The following GRIK1 variants were observed in gnomAD, a reference collection of about 807,000 sequenced individuals.
GRIK1 encodes the protein glutamate receptor ionotropic, kainate 1.
GRIK1 carries 69 observed loss-of-function variants against 105.7 expected under a neutral mutation model. The ratio of observed to expected loss-of-function variants is 0.65; its 90% CI spans 0.54 to 0.80. GRIK1 has a LOEUF of 0.80. GRIK1 is among the 30% of genes least tolerant of loss of function. GRIK1 has a pLI of 0.00. For synonymous variants in GRIK1, 438 were observed against 431.3 expected, an observed-to-expected ratio of 1.02 and a Z score of -0.19; for missense variants, 1,109 against 1,167.3, an observed-to-expected ratio of 0.95 and a Z score of 0.73.
rs138230122 is a variant in GRIK1, at chr21:29,552,673, A to G, written c.2607+2379T>C. Among the ~76,000 whole-genome samples, 111 of 152,138 alleles carry G rather than the reference A, an allele frequency of 7.3e-4. 1 individual carries two copies. Among genetic ancestry groups the G allele is most frequent in the African/African-American group, 2.6e-3 (107 of 41,562 alleles). On this transcript the variant is annotated intron_variant, in intron 16 of 17. Transcript: ENST00000327783. ...ACATCTCGTAGAAAGATGTTCATCA[A>G]TGCAAAGTGAGTGGTAAATAGAAAT...
At chr21:29,636,414 G>A (rs1180344318) in intron 7 of GRIK1, among the ~76,000 whole-genome samples, 1 of 152,180 alleles carries the variant, frequency 6.6e-6, no homozygotes, top group Non-Finnish European at 1.5e-5. Context: ...AATTGGCTTT[G>A]CTGTTTCAGT....
Position 29,901,764 on chromosome 21 carries a change from A to G in GRIK1, c.118+37619T>C, listed in dbSNP as rs190221505. ...CTTCTGAAACTATTCCAATCAATAG[A>G]AAAAAGAGGGAATCCTCCCAAACTC... is the stretch of plus-strand genomic sequence containing the variant. On this transcript the variant is annotated intron_variant, in intron 1 of 17. Coordinates refer to ENST00000327783, the MANE Select transcript of GRIK1 (RefSeq NM_001330994.2). Among the ~76,000 whole-genome samples, 69 of 152,286 alleles carry G rather than the reference A, an allele frequency of 4.5e-4. No homozygotes were observed. In the East Asian group the frequency reaches 0.013, roughly 29 times the overall value.
intron 1 of GRIK1, among the ~76,000 whole-genome samples, chr21:29,919,094 A>G (rs150815657): frequency 8.9e-4 from 135 of 152,108 alleles, no homozygotes; most frequent in African/African-American, 3.2e-3. Flanking sequence ...GGCACCCAAA[A>G]TGAGCTAAGA....
At chr21:29,832,989 ACTT>A (rs1332446133) in intron 1 of GRIK1, among the ~76,000 whole-genome samples, 3 of 152,168 alleles carry the variant, frequency 2.0e-5, no homozygotes, top group Admixed American at 1.3e-4. Context: ...CAGCCAGGTC[ACTT>A]CTTGAACATT....
rs7277118 is a variant in GRIK1, at chr21:29,805,354, C to T, written c.119-111291G>A. Among the ~76,000 whole-genome samples, 498 of 152,182 alleles carry T rather than the reference C, an allele frequency of 3.3e-3. 3 individuals carry two copies. The highest frequency in any genetic ancestry group is 0.012 in the African/African-American group (480 of 41,544). On this transcript the variant is annotated intron_variant, in intron 1 of 17. Transcript: ENST00000327783. ...AGTGCAGAAGGCAGGGAAGAGTAAC[C>T]GAAGCCACTAGGTCCTTTATGACAT...
intron 5 of GRIK1, among the ~76,000 whole-genome samples, chr21:29,652,120 G>T (rs1288483887): frequency 6.6e-6 from 1 of 152,044 alleles, no homozygotes; most frequent in Admixed American, 6.6e-5. Context: ...TAGCCTTTGG[G>T]GTATTTTGAA....
chr21:29,861,232 T>C (rs1457585279), intron 1 of GRIK1, among the ~76,000 whole-genome samples: 2 of 152,184 alleles, frequency 1.3e-5, no homozygotes, highest in Admixed American at 6.5e-5. Context: ...AGAATGTCTT[T>C]CTTCGTTCCC....
chr21:29,696,193 T>C (rs1326644278), intron 1 of GRIK1, among the ~76,000 whole-genome samples: 1 of 152,246 alleles, frequency 6.6e-6, no homozygotes, highest in Non-Finnish European at 1.5e-5. Context: ...TTTTGTAGAC[T>C]GATAATATGG....
chr21:29,863,587 T>C (rs1456522562), intron 1 of GRIK1, among the ~76,000 whole-genome samples: 1 of 152,216 alleles, frequency 6.6e-6, no homozygotes, highest in Non-Finnish European at 1.5e-5. Flanking sequence ...ACATTGTCTA[T>C]TATGCAAAAG....
At chr21:29,844,580 A>AAAAT (rs2068066861) in intron 1 of GRIK1, among the ~76,000 whole-genome samples, 1 of 152,244 alleles carries the variant, frequency 6.6e-6, no homozygotes, top group Admixed American at 6.5e-5. Context: ...TGATTTAAGG[A>AAAAT]AAATATAACA....
intron 1 of GRIK1, among the ~76,000 whole-genome samples, chr21:29,736,957 G>A (rs1248035318): frequency 1.3e-5 from 2 of 152,080 alleles, no homozygotes; most frequent in Admixed American, 6.6e-5. Flanking sequence ...GGGATTACAG[G>A]CGTGAACAAC....
At chr21:29,708,629 A>T (rs1449593142) in intron 1 of GRIK1, among the ~76,000 whole-genome samples, 3 of 152,152 alleles carry the variant, frequency 2.0e-5, no homozygotes, top group Non-Finnish European at 1.5e-5. Context: ...CTTCCTGGAC[A>T]GAGGACTTCA....
intron 1 of GRIK1, among the ~76,000 whole-genome samples, chr21:29,750,889 T>G (rs2065180553): frequency 6.6e-6 from 1 of 152,204 alleles, no homozygotes; most frequent in Non-Finnish European, 1.5e-5. Flanking sequence ...GCAATAAAGC[T>G]TTTTAATCAC....
chr21:29,728,958 G>A (rs1004803184), intron 1 of GRIK1, among the ~76,000 whole-genome samples: 3 of 152,122 alleles, frequency 2.0e-5, no homozygotes, highest in East Asian at 1.9e-4. Flanking sequence ...AAGAAGAGGC[G>A]ATACCATATA....
intron 1 of GRIK1, among the ~76,000 whole-genome samples, chr21:29,889,140 A>G (rs573267650): frequency 6.6e-6 from 1 of 152,210 alleles, no homozygotes. Context: ...AGTATACCAG[A>G]CATTTTTGAC....
intron 1 of GRIK1, among the ~76,000 whole-genome samples, chr21:29,866,400 T>G (rs991168619): frequency 1.3e-5 from 2 of 150,682 alleles, no homozygotes; most frequent in Admixed American, 6.6e-5. Flanking sequence ...TTGCTTTCAT[T>G]TTTTTTTTAA....
intron 1 of GRIK1, among the ~76,000 whole-genome samples, chr21:29,695,471 T>C (rs2063680755): frequency 7.7e-6 from 1 of 129,332 alleles, no homozygotes; most frequent in Admixed American, 7.8e-5. Context: ...TATCTATCTA[T>C]CTATCTATAT....
chr21:29,937,047 G>A (rs1286791469), intron 1 of GRIK1, among the ~76,000 whole-genome samples: 1 of 152,122 alleles, frequency 6.6e-6, no homozygotes, highest in African/African-American at 2.4e-5. Context: ...GAATGGGACA[G>A]GATATAATAA....
intron 16 of GRIK1, among the ~76,000 whole-genome samples, chr21:29,543,110 A>ATT (rs147509902): frequency 6.6e-6 from 1 of 151,086 alleles, no homozygotes; most frequent in African/African-American, 2.4e-5. Context: ...TATTATTACT[A>ATT]TTTTTTTTTG....
Sources: gnomAD v4.1 joint callset for allele counts (sites outside exome capture counted in the v4.1 genomes callset) on GRCh38, gnomAD v4.1.1 for gene constraint, MANE v1.5 for transcripts, NCBI Gene and HGNC (gene_info 2026-07-23, HGNC 2026-07-21) for gene names.